Variants in ADAMTSL3 observed in about 807,000 individuals in gnomAD.
ADAMTSL3 encodes the protein ADAMTS-like protein 3.
In ADAMTSL3, 128 loss-of-function variants were observed where a neutral mutation model predicts 201.7. The observed-to-expected ratio is 0.63, with a 90% CI of 0.55 to 0.73. The LOEUF (loss-of-function observed/expected upper bound fraction) is 0.73, where lower values mean the gene tolerates loss of function less well. ADAMTSL3 is among the 30% of genes least tolerant of loss of function. The pLI is 0.00. For missense variants in ADAMTSL3, 1,990 were observed against 2,119.6 expected, an observed-to-expected ratio of 0.94 and a Z score of 1.20; for synonymous variants, 738 against 748.4, an observed-to-expected ratio of 0.99 and a Z score of 0.23.
intron 16 of ADAMTSL3, among the ~76,000 whole-genome samples, chr15:83,918,041 C>T (rs892753387): frequency 3.3e-5 from 5 of 152,254 alleles, no homozygotes; most frequent in African/African-American, 1.2e-4. Context: ...CTTAATACTT[C>T]TAATCATTTT....
chr15:83,740,327 T>C (rs1253022418), intron 3 of ADAMTSL3: 1 of 152,248 alleles, frequency 6.6e-6, no homozygotes. Flanking sequence ...CCAACCTTAG[T>C]GCAATAAAAT....
At chr15:84,006,569 C>A (rs1339311609) in intron 23 of ADAMTSL3, among the ~76,000 whole-genome samples, 1 of 152,098 alleles carries the variant, frequency 6.6e-6, no homozygotes, top group Non-Finnish European at 1.5e-5. Flanking sequence ...CGGCTCTGAA[C>A]TTTTTTCCAC....
chr15:83,668,356 TGAAGA>T (rs2061278365), intron 2 of ADAMTSL3, among the ~76,000 whole-genome samples: 1 of 152,060 alleles, frequency 6.6e-6, no homozygotes, highest in Admixed American at 6.6e-5. Context: ...TGAGTATTAC[TGAAGA>T]GAAGTCTGTG....
At chr15:83,882,141 G>A (rs901898912) in intron 9 of ADAMTSL3, among the ~76,000 whole-genome samples, 3 of 152,162 alleles carry the variant, frequency 2.0e-5, no homozygotes, top group Non-Finnish European at 2.9e-5. Flanking sequence ...GGGCGACAGA[G>A]CGAGACTCTG....
At chr15:83,819,203 G>A (rs76050403) in intron 5 of ADAMTSL3, among the ~76,000 whole-genome samples, 18 of 150,980 alleles carry the variant, frequency 1.2e-4, no homozygotes, top group African/African-American at 2.7e-4. Flanking sequence ...CCTGGGAGGC[G>A]GAGGTTGCAG....
rs1490545225 is a variant in ADAMTSL3, at chr15:83,943,095, C to T, written c.2490+13C>T. 1 of 1,594,272 alleles carries T rather than the reference C, an allele frequency of 6.3e-7. No homozygotes were observed. The highest frequency in any genetic ancestry group is 2.2e-5 in the East Asian group (1 of 44,706). On this transcript the variant is annotated intron_variant, in intron 19 of 29. Transcript: ENST00000286744. ...AGACTGGTCGAAGGTAAGGGCCAGG[C>T]TCAACTTTATAGTCCCTTCTTTTCT...
At position 83,943,016 on chromosome 15, in the gene ADAMTSL3, A is replaced by G; in HGVS notation, c.2424A>G (p.Ala808=). 6.2e-7 allele frequency: 1 copy of G among 1,614,134 alleles called. No individual in the cohort carries two copies. ...LSDELCQGPK[A]SSHKSCARTD... is the part of the protein sequence containing the mutation. ...ATGAATTGTGCCAAGGACCCAAGGC[A>G]TCGTCTCACAAGTCCTGTGCCAGGA... The change falls in exon 19 of 30, where the codon GCA becomes GCG. Residue 808 remains alanine (A), a synonymous_variant. Coordinates refer to ENST00000286744, the MANE Select transcript of ADAMTSL3 (RefSeq NM_207517.3).
At chr15:83,773,819 T>C (rs1323949603) in intron 4 of ADAMTSL3, among the ~76,000 whole-genome samples, 169 bp downstream of exon 4, 1 of 152,154 alleles carries the variant, frequency 6.6e-6, no homozygotes, top group African/African-American at 2.4e-5. Flanking sequence ...GCAGCCATGG[T>C]CCCGTTTTCG....
chr15:83,775,893 C>T (rs543168579), intron 4 of ADAMTSL3, among the ~76,000 whole-genome samples: 93 of 152,290 alleles, frequency 6.1e-4, no homozygotes, highest in African/African-American at 2.2e-3. Context: ...TGTGCTAACC[C>T]CTCTGTGGCC....
chr15:83,991,917 T>C (rs557471600), intron 23 of ADAMTSL3, among the ~76,000 whole-genome samples: 68 of 152,316 alleles, frequency 4.5e-4, no homozygotes, highest in Non-Finnish European at 9.4e-4. Flanking sequence ...ATGCTGCATA[T>C]ACATGTACAT....
chr15:83,945,692 G>A (rs1238465246), intron 19 of ADAMTSL3: 7 of 152,156 alleles, frequency 4.6e-5, no homozygotes, highest in African/African-American at 7.2e-5. Flanking sequence ...ATTTTGTGGG[G>A]AGAATCTTGG....
intron 3 of ADAMTSL3, among the ~76,000 whole-genome samples, chr15:83,733,803 A>G (rs1319478424): frequency 6.6e-6 from 1 of 152,200 alleles, no homozygotes; most frequent in Non-Finnish European, 1.5e-5. Flanking sequence ...TTTCTTATGA[A>G]TAAAAAATTA....
intron 7 of ADAMTSL3, among the ~76,000 whole-genome samples, chr15:83,841,978 CGAGATCCTAGCTGCTA>C (rs1291239812): frequency 1.3e-5 from 2 of 151,636 alleles, no homozygotes; most frequent in Non-Finnish European, 2.9e-5. Flanking sequence ...GGCGGACGGA[CGAGATCCTAGCTGCTA>C]AGCGACCCGA....
At chr15:84,014,785 C>T (rs182774251) in intron 24 of ADAMTSL3, 61 bp downstream of exon 24, 2 of 1,488,362 alleles carry the variant, frequency 1.3e-6, no homozygotes, top group East Asian at 4.9e-5. Flanking sequence ...AAGTAGGCCC[C>T]AGTTTTGTTG....
Position 83,749,484 on chromosome 15 carries a change from T to C in ADAMTSL3, c.190-24039T>C, listed in dbSNP as rs571364299. ...CATGCAGAACAGTTCTGATGAGCTG[T>C]GATGGACAGAACAATTGGACTGCAG... On this transcript the variant is annotated intron_variant, in intron 3 of 29. Coordinates refer to ENST00000286744, the MANE Select transcript of ADAMTSL3 (RefSeq NM_207517.3). 8.5e-5 allele frequency among the ~76,000 whole-genome samples: 13 copies of C among 152,288 alleles called. No homozygotes were observed. The South Asian group carries it at 2.7e-3, about 32-fold the overall frequency.
chr15:84,033,627 C>G (rs553562556), intron 28 of ADAMTSL3, among the ~76,000 whole-genome samples: 1 of 152,174 alleles, frequency 6.6e-6, no homozygotes, highest in African/African-American at 2.4e-5. Context: ...CCACTGTACT[C>G]CAGCCTGGGC....
chr15:83,829,558 C>A (rs1352988717), intron 6 of ADAMTSL3, among the ~76,000 whole-genome samples: 1 of 151,996 alleles, frequency 6.6e-6, no homozygotes, highest in Non-Finnish European at 1.5e-5. Context: ...TTATTTCTTG[C>A]CTTCTGCTAG....
At chr15:83,896,326 G>A (rs1462094893) in intron 13 of ADAMTSL3, among the ~76,000 whole-genome samples, 1 of 152,134 alleles carries the variant, frequency 6.6e-6, no homozygotes, top group Non-Finnish European at 1.5e-5. Flanking sequence ...TCTGAAGTTT[G>A]TACAGATTGG....
chr15:84,027,368 C>T (rs2141927074), intron 27 of ADAMTSL3, among the ~76,000 whole-genome samples: 1 of 152,292 alleles, frequency 6.6e-6, no homozygotes, highest in East Asian at 1.9e-4. Flanking sequence ...AATTCCACCC[C>T]TAGGTATGTA....
Sources: allele counts gnomAD v4.1 joint callset (sites outside exome capture counted in the v4.1 genomes callset), GRCh38; gene constraint gnomAD v4.1.1; transcripts MANE v1.5; gene names NCBI Gene and HGNC (gene_info 2026-07-23, HGNC 2026-07-21).